The following MYL12B variants were observed in gnomAD, a reference collection of about 807,000 sequenced individuals.
MYL12B encodes myosin regulatory light chain 12B.
Under a neutral mutation model 12.9 loss-of-function variants are expected in MYL12B, and 3 were observed. The ratio of observed to expected loss-of-function variants is 0.23; its 90% CI spans 0.11 to 0.60. The LOEUF (loss-of-function observed/expected upper bound fraction) is 0.60. MYL12B is among the 20% of genes least tolerant of loss of function. The pLI is 0.89. For missense variants in MYL12B, 120 were observed against 215.4 expected (o/e 0.56, Z 2.77); for synonymous variants, 57 against 71.9 (o/e 0.79, Z 1.05).
intron 1 of MYL12B, among the ~76,000 whole-genome samples, chr18:3,271,657 G>C (rs2081680151): frequency 6.6e-6 from 1 of 152,132 alleles, no homozygotes; most frequent in Admixed American, 6.5e-5. Flanking sequence ...ACTGAAAGCT[G>C]TTAGGCTCAC....
intron 1 of MYL12B, among the ~76,000 whole-genome samples, chr18:3,266,597 A>G (rs921101029): frequency 3.3e-5 from 5 of 152,124 alleles, no homozygotes; most frequent in African/African-American, 1.2e-4. Flanking sequence ...CAGCTGGGAT[A>G]AGGAGATGTA....
chr18:3,266,747 T>C (rs966828698), intron 1 of MYL12B, among the ~76,000 whole-genome samples: 6 of 152,220 alleles, frequency 3.9e-5, no homozygotes, highest in Non-Finnish European at 8.8e-5. Context: ...TTTTAAATGT[T>C]GGCAAACTAA....
chr18:3,274,135 A>C (rs898286720), intron 2 of MYL12B, among the ~76,000 whole-genome samples: 1 of 152,166 alleles, frequency 6.6e-6, no homozygotes, highest in African/African-American at 2.4e-5. Context: ...TGATTTGTTG[A>C]CTTGTAGTTA....
At chr18:3,277,521 A>G (rs1278433165) in intron 3 of MYL12B, 107 bp downstream of exon 3, 2 of 1,493,078 alleles carry the variant, frequency 1.3e-6, no homozygotes, top group African/African-American at 2.8e-5. Context: ...TTGCTTAAGA[A>G]TAATTTTGTA....
At chr18:3,267,307 C>T (rs1172250631) in intron 1 of MYL12B, among the ~76,000 whole-genome samples, 3 of 152,182 alleles carry the variant, frequency 2.0e-5, no homozygotes, top group African/African-American at 4.8e-5. Flanking sequence ...AGCCTCAAAA[C>T]AATGTTGAGG....
At chr18:3,269,221 A>G (rs1479582432) in intron 1 of MYL12B, among the ~76,000 whole-genome samples, 1 of 152,206 alleles carries the variant, frequency 6.6e-6, no homozygotes, top group Non-Finnish European at 1.5e-5. Flanking sequence ...GCCAAAGAAG[A>G]TTTTAAAAAG....
intron 1 of MYL12B, among the ~76,000 whole-genome samples, chr18:3,264,263 T>C (rs768199409): frequency 1.1e-4 from 17 of 152,226 alleles, no homozygotes; most frequent in Non-Finnish European, 2.1e-4. Context: ...TATATATGTA[T>C]ATACACTATA....
At chr18:3,276,564 A>G in intron 2 of MYL12B, 3 of 985,294 alleles carry the variant, frequency 3.0e-6, no homozygotes, top group Non-Finnish European at 3.6e-6. Context: ...ATTGTTCAAA[A>G]TAAGCTGCCA....
At chr18:3,277,435 C>T in intron 3 of MYL12B, 21 bp downstream of exon 3, 2 of 1,612,660 alleles carry the variant, frequency 1.2e-6, no homozygotes, top group Non-Finnish European at 1.7e-6. Context: ...TTTGTTTATG[C>T]CCAGCCTCAT....
chr18:3,276,059 G>A (rs2081728325), intron 2 of MYL12B, among the ~76,000 whole-genome samples: 1 of 151,918 alleles, frequency 6.6e-6, no homozygotes, highest in African/African-American at 2.4e-5. Context: ...ATAATTTTGA[G>A]ATGGTTCCTT....
intron 1 of MYL12B, chr18:3,272,171 TG>T (rs2081684316): frequency 1.2e-6 from 1 of 841,704 alleles, no homozygotes; most frequent in Non-Finnish European, 1.3e-6. Flanking sequence ...AGACCTTTTT[TG>T]AACATGACTA....
intron 1 of MYL12B, among the ~76,000 whole-genome samples, chr18:3,269,366 G>C (rs1299364127): frequency 6.6e-6 from 1 of 152,170 alleles, no homozygotes; most frequent in Non-Finnish European, 1.5e-5. Context: ...TGAGGATCCA[G>C]TTTAGGGTGA....
At chr18:3,276,553 CATT>C in intron 2 of MYL12B, 1 of 985,274 alleles carries the variant, frequency 1.0e-6, no homozygotes, top group Non-Finnish European at 1.2e-6. Context: ...AGATATCTAA[CATT>C]GTTCAAAATA....
At position 3,267,902 on chromosome 18, in the gene MYL12B, A is replaced by G. The variant is rs186748002; in HGVS notation, c.-15-4982A>G. Among the ~76,000 whole-genome samples the G allele has an allele frequency of 2.4e-3, 367 of 152,340 alleles. 1 individual carries two copies. Among genetic ancestry groups the G allele is most frequent in the African/African-American group, 8.2e-3 (341 of 41,572 alleles). On this transcript the variant is annotated intron_variant, in intron 1 of 3. Coordinates refer to ENST00000237500, the MANE Select transcript of MYL12B (RefSeq NM_033546.4). ...TAGTATTTGCATATAACCTACACATATCCTCCTGAATACTTTAAATCATCT... is the reference window on the plus strand; with the variant it reads ...TAGTATTTGCATATAACCTACACATGTCCTCCTGAATACTTTAAATCATCT...
At chr18:3,277,525 T>A in intron 3 of MYL12B, 111 bp downstream of exon 3, 1 of 1,480,760 alleles carries the variant, frequency 6.8e-7, no homozygotes, top group East Asian at 2.3e-5. Context: ...TTAAGAATAA[T>A]TTTGTAAGCA....
chr18:3,277,250 C>G lies in MYL12B; in HGVS notation c.185-3C>G. The G allele has an allele frequency of 6.4e-7, 1 of 1,566,228 alleles. No individual in the cohort carries two copies. Among genetic ancestry groups the G allele is most frequent in the Non-Finnish European group, 8.6e-7 (1 of 1,156,288 alleles). ...TTAAATGTTAAAATGTGTATTCTTA[C>G]AGGGAAGAATCCCACTGATGCATAC... On this transcript the variant is annotated splice_polypyrimidine_tract_variant and splice_region_variant and intron_variant, in intron 2 of 3. Transcript: ENST00000237500.
intron 2 of MYL12B, among the ~76,000 whole-genome samples, chr18:3,275,598 A>G (rs58625939): frequency 0.011 from 1,613 of 152,270 alleles, 35 homozygotes; most frequent in African/African-American, 0.037. Flanking sequence ...TGTGTACCCA[A>G]AGCAATTTAA....
chr18:3,265,741 A>G (rs1029506823), intron 1 of MYL12B, among the ~76,000 whole-genome samples: 1 of 152,168 alleles, frequency 6.6e-6, no homozygotes, highest in Non-Finnish European at 1.5e-5. Flanking sequence ...TGAGACTCCA[A>G]TTAGAAAGCA....
At chr18:3,273,663 G>A (rs1275936834) in intron 2 of MYL12B, among the ~76,000 whole-genome samples, 1 of 152,140 alleles carries the variant, frequency 6.6e-6, no homozygotes, top group East Asian at 1.9e-4. Flanking sequence ...CATCCTACAT[G>A]TTCTGGCCAG....
Sources: gnomAD v4.1 joint callset for allele counts (sites outside exome capture counted in the v4.1 genomes callset) on GRCh38, gnomAD v4.1.1 for gene constraint, MANE v1.5 for transcripts, NCBI Gene and HGNC (gene_info 2026-07-23, HGNC 2026-07-21) for gene names.